ANO10: variants seen among roughly 807,000 people sequenced by gnomAD.
ANO10 encodes the protein anoctamin 10, also known as anoctamin-10.
In ANO10, 77 loss-of-function variants were observed where a neutral mutation model predicts 74.7. The ratio of observed to expected loss-of-function variants is 1.03; its 90% CI spans 0.86 to 1.25. The LOEUF (loss-of-function observed/expected upper bound fraction) is 1.25. ANO10 is among the 50% of genes most tolerant of loss of function. The pLI is 0.00. For synonymous variants in ANO10, 279 were observed against 284.9 expected (o/e 0.98, Z 0.21); for missense variants, 721 against 778.1 (o/e 0.93, Z 0.87).
At chr3:43,387,659 T>C (rs947295923) in intron 12 of ANO10, among the ~76,000 whole-genome samples, 6 of 152,182 alleles carry the variant, frequency 3.9e-5, no homozygotes, top group African/African-American at 1.4e-4. Context: ...AACACTGTGG[T>C]TCTCAGTGGA....
chr3:43,390,903 C>T (rs1023277669), intron 12 of ANO10, among the ~76,000 whole-genome samples: 8 of 152,188 alleles, frequency 5.3e-5, no homozygotes, highest in African/African-American at 1.7e-4. Context: ...TCAGGTCCCA[C>T]TTGCAATTCT....
chr3:43,611,830 G>A (rs1251169366), intron 1 of ANO10, among the ~76,000 whole-genome samples: 1 of 152,132 alleles, frequency 6.6e-6, no homozygotes, highest in Non-Finnish European at 1.5e-5. Flanking sequence ...TGATAAGGCT[G>A]ATAGTAAAAT....
At chr3:43,528,026 G>T (rs1245919578) in intron 11 of ANO10, among the ~76,000 whole-genome samples, 3 of 152,082 alleles carry the variant, frequency 2.0e-5, no homozygotes, top group Admixed American at 6.5e-5. Context: ...AAAGACACAA[G>T]AACAATACTC....
At position 43,432,654 on chromosome 3, in the gene ANO10, A is replaced by G; in HGVS notation, c.1871T>C (p.Leu624Pro). The G allele has an allele frequency of 6.2e-7, 1 of 1,613,996 alleles. No homozygotes were observed. The highest frequency in any genetic ancestry group is 8.5e-7 in the Non-Finnish European group (1 of 1,179,912). Residue 624 changes from leucine (L) to proline (P), a missense_variant, in exon 12 of 13, where the codon CTA (leucine) becomes CCA (proline). Coordinates refer to ENST00000292246, the MANE Select transcript of ANO10 (RefSeq NM_018075.5). ...CAAAGACTCAAATTCCAGTCTGGCT[A>G]GTTTCATCTGGATATGCCGTGGCTT... Reference protein sequence around the residue: ...PDKPRHIQMKLARLEFESLEA... With the variant: ...PDKPRHIQMKPARLEFESLEA...
chr3:43,514,909 G>C lies in ANO10; in HGVS notation c.1797+34811C>G, dbSNP rs149817392. 7.2e-3 allele frequency among the ~76,000 whole-genome samples: 1,089 copies of C among 152,274 alleles called. 15 individuals carry two copies. The highest frequency in any genetic ancestry group is 0.024 in the African/African-American group (980 of 41,568). On this transcript the variant is annotated intron_variant, in intron 11 of 12. Transcript: ENST00000292246. Reference sequence around the variant, plus strand: ...AAGAAATCAAAAGAAGAATGAAAAAGTATTTTGCACTGAGTAAAAATGAAA... The same window carrying C: ...AAGAAATCAAAAGAAGAATGAAAAACTATTTTGCACTGAGTAAAAATGAAA...
intron 1 of ANO10, among the ~76,000 whole-genome samples, chr3:43,606,751 A>C (rs1240350785): frequency 6.6e-6 from 1 of 152,114 alleles, no homozygotes; most frequent in Non-Finnish European, 1.5e-5. Context: ...AGGCAGAACC[A>C]CTACTATACA....
chr3:43,684,110 C>G (rs2084241142), intron 1 of ANO10, among the ~76,000 whole-genome samples: 1 of 151,930 alleles, frequency 6.6e-6, no homozygotes, highest in African/African-American at 2.4e-5. Context: ...AGCTTCCACA[C>G]AGCAAAAAAA....
intron 11 of ANO10, among the ~76,000 whole-genome samples, chr3:43,519,167 A>C (rs1258813185): frequency 2.0e-5 from 3 of 152,114 alleles, no homozygotes; most frequent in African/African-American, 4.8e-5. Flanking sequence ...CCTACGTTGA[A>C]ATATCAGGGG....
chr3:43,544,343 G>T (rs987002031), intron 11 of ANO10, among the ~76,000 whole-genome samples: 2 of 151,964 alleles, frequency 1.3e-5, no homozygotes, highest in African/African-American at 4.8e-5. Context: ...TTTTGCAAAT[G>T]AAAGTAGTGT....
intron 11 of ANO10, among the ~76,000 whole-genome samples, chr3:43,475,520 C>T (rs1033211412): frequency 6.6e-6 from 1 of 152,150 alleles, no homozygotes; most frequent in Non-Finnish European, 1.5e-5. Context: ...TTTGTCCCAG[C>T]AACATTTAAT....
intron 11 of ANO10, among the ~76,000 whole-genome samples, chr3:43,534,682 T>A (rs1284646057): frequency 1.3e-5 from 2 of 152,312 alleles, no homozygotes; most frequent in Admixed American, 6.5e-5. Context: ...TGTCCCAATG[T>A]CCACCTGGAA....
chr3:43,394,759 G>A (rs564013255), intron 12 of ANO10, among the ~76,000 whole-genome samples: 6 of 152,262 alleles, frequency 3.9e-5, no homozygotes, highest in Non-Finnish European at 8.8e-5. Flanking sequence ...GCACTTTGAA[G>A]CCCTGATCTC....
intron 11 of ANO10, among the ~76,000 whole-genome samples, chr3:43,509,611 G>T (rs2077436066): frequency 6.6e-6 from 1 of 152,156 alleles, no homozygotes; most frequent in African/African-American, 2.4e-5. Flanking sequence ...ATATAAAATG[G>T]TAAAACCACT....
chr3:43,656,461 G>A (rs557646221), intron 1 of ANO10, among the ~76,000 whole-genome samples: 2 of 152,350 alleles, frequency 1.3e-5, no homozygotes, highest in South Asian at 4.1e-4. Flanking sequence ...ATGGGACTGG[G>A]CGCCATGGAG....
At position 43,380,124 on chromosome 3, in the gene ANO10, C is replaced by G. The variant is rs6803237; in HGVS notation, c.1915-13150G>C. 3.1e-3 allele frequency among the ~76,000 whole-genome samples: 465 copies of G among 151,924 alleles called. 2 individuals carry two copies. Among genetic ancestry groups the G allele is most frequent in the African/African-American group, 0.011 (448 of 41,430 alleles). On this transcript the variant is annotated intron_variant, in intron 12 of 12. Coordinates refer to ENST00000292246, the MANE Select transcript of ANO10 (RefSeq NM_018075.5). ...CAAAGACAAGGCTTTCAAATTAACC[C>G]CATCTGACAAAGAAAAAGAATTTAA...
At chr3:43,437,427 G>A (rs1399735617) in intron 11 of ANO10, among the ~76,000 whole-genome samples, 1 of 152,252 alleles carries the variant, frequency 6.6e-6, no homozygotes, top group Non-Finnish European at 1.5e-5. Context: ...GCCACCTTGA[G>A]AGGGAAAGAG....
At chr3:43,533,715 C>A (rs141274226) in intron 11 of ANO10, among the ~76,000 whole-genome samples, 2 of 152,328 alleles carry the variant, frequency 1.3e-5, no homozygotes, top group South Asian at 2.1e-4. Flanking sequence ...GCACACCAAT[C>A]ATTGTACTTC....
chr3:43,450,988 T>G (rs1270475302), intron 11 of ANO10, among the ~76,000 whole-genome samples: 1 of 152,186 alleles, frequency 6.6e-6, no homozygotes, highest in East Asian at 1.9e-4. Flanking sequence ...CCTTACATAG[T>G]CATAAAGTTA....
chr3:43,663,615 T>C (rs2083952490), intron 1 of ANO10, among the ~76,000 whole-genome samples: 1 of 152,178 alleles, frequency 6.6e-6, no homozygotes, highest in South Asian at 2.1e-4. Context: ...TGTTTGCAGA[T>C]GACATAATGG....
Sources: gnomAD v4.1 joint callset for allele counts (sites outside exome capture counted in the v4.1 genomes callset) on GRCh38, gnomAD v4.1.1 for gene constraint, MANE v1.5 for transcripts, NCBI Gene and HGNC (gene_info 2026-07-23, HGNC 2026-07-21) for gene names.